Variants in CD28 observed in about 807,000 individuals in gnomAD.
CD28 encodes CD28 molecule.
CD28 carries 8 observed loss-of-function variants against 21.4 expected under a neutral mutation model. The observed-to-expected ratio is 0.37, with a 90% CI of 0.22 to 0.68. CD28 has a LOEUF of 0.68. Among genes scored for constraint, CD28 ranks in the 30% least tolerant of loss-of-function variants. The pLI, the probability that CD28 is intolerant of heterozygous loss-of-function variation, is 0.55. For missense variants in CD28, 239 were observed against 272.2 expected (o/e 0.88, Z 0.86); for synonymous variants, 106 against 104.0 (o/e 1.02, Z -0.12).
chr2:203,726,580 G>T, intron 1 of CD28, 53 bp from the exon 2 acceptor site: 1 of 1,383,230 alleles, frequency 7.2e-7, no homozygotes, highest in East Asian at 2.3e-5. Context: ...CTCTCAGGAA[G>T]AAAAATTATC....
rs537043006 is a variant in CD28 at position 203,736,220 on chromosome 2, G to C, written c.*1308G>C. 3 of 152,704 alleles carry C rather than the reference G, an allele frequency of 2.0e-5. No homozygotes were observed. In the East Asian group the frequency reaches 5.8e-4, roughly 29 times the overall value. The allele number at this position is 152,704 out of a possible 1,614,324, so 9.5% of individuals were successfully genotyped here. On this transcript the variant is annotated 3_prime_UTR_variant, in exon 4 of 4. Transcript: ENST00000324106. The stretch of plus-strand genomic sequence containing the variant: ...CGTCCATAGGAGAAGTGAGAATACT[G>C]TGAAAAAGGGATGTTAGCATTCATT...
At chr2:203,714,001 G>A (rs954783672) in intron 1 of CD28, among the ~76,000 whole-genome samples, 5 of 151,870 alleles carry the variant, frequency 3.3e-5, no homozygotes, top group Non-Finnish European at 5.9e-5. Flanking sequence ...GTTTTCTCAA[G>A]GAGATAGGGA....
chr2:203,730,541 A>G (rs912701604), intron 3 of CD28, among the ~76,000 whole-genome samples: 1 of 152,242 alleles, frequency 6.6e-6, no homozygotes, highest in Non-Finnish European at 1.5e-5. Context: ...AGTATGGTAC[A>G]GAATGTATTG....
At chr2:203,719,287 GCATAGATCATCTCCAAGTTCCCTTC>G (rs1211608405) in intron 1 of CD28, among the ~76,000 whole-genome samples, 4 of 152,016 alleles carry the variant, frequency 2.6e-5, no homozygotes, top group African/African-American at 7.3e-5. Context: ...TAAGGAATTG[GCATAGATCATCTCCAAGTTCCCTTC>G]CAGTTGAGTG....
Position 203,729,783 on chromosome 2 carries a change from C to A in CD28, c.534+11C>A. 6.2e-7 allele frequency: 1 copy of A among 1,611,454 alleles called. No homozygotes were observed. The highest frequency in any genetic ancestry group is 8.5e-7 in the Non-Finnish European group (1 of 1,179,048). ...TTTATTATTTTCTGGGTAAGAGAAG[C>A]AGCACTGCTTTTATGTAACTTTTCC... On this transcript the variant is annotated intron_variant, in intron 3 of 3. Coordinates refer to ENST00000324106, the MANE Select transcript of CD28 (RefSeq NM_006139.4).
rs1392308639 is a variant in CD28, at chr2:203,738,572, G to T, written c.*3660G>T. 2 of 152,108 alleles carry T rather than the reference G, an allele frequency of 1.3e-5. No homozygotes were observed. The highest frequency in any genetic ancestry group is 2.4e-5 in the African/African-American group (1 of 41,400). 9.4% of individuals were successfully genotyped at this position (152,108 alleles called of 1,614,324 possible). ...TTTCTGACATATAGGAATGTATCAG[G>T]AATACTCAACCATCACAGGCATGTT... On this transcript the variant is annotated 3_prime_UTR_variant, in exon 4 of 4. Transcript: ENST00000324106.
intron 3 of CD28, among the ~76,000 whole-genome samples, chr2:203,733,708 G>A (rs748133279): frequency 1.3e-5 from 2 of 152,172 alleles, no homozygotes; most frequent in Non-Finnish European, 2.9e-5. Flanking sequence ...AGATGGCAAA[G>A]AGAAATAGTA....
At chr2:203,717,047 A>G (rs1352768980) in intron 1 of CD28, among the ~76,000 whole-genome samples, 2 of 152,070 alleles carry the variant, frequency 1.3e-5, no homozygotes, top group Non-Finnish European at 2.9e-5. Context: ...GGGTCTCGCC[A>G]TGTTGCCCAG....
At position 203,736,473 on chromosome 2, in the gene CD28, C is replaced by G. The variant is rs759906703; in HGVS notation, c.*1561C>G. On this transcript the variant is annotated 3_prime_UTR_variant, in exon 4 of 4. Transcript: ENST00000324106. ...CAGCTGCTCCTGTACCTTGGAGGTC[C>G]ATTCACATGGGAAAGTATTTTGGAA... 6.6e-6 allele frequency: 1 copy of G among 152,480 alleles called. No homozygotes were observed. The highest frequency in any genetic ancestry group is 1.5e-5 in the Non-Finnish European group (1 of 68,066). 9.4% of individuals were successfully genotyped at this position (152,480 alleles called of 1,614,324 possible). A position where few individuals can be genotyped will look rare whatever the true frequency, so the allele number is the denominator to read the frequency against.
chr2:203,710,433 G>C (rs985762042), intron 1 of CD28, among the ~76,000 whole-genome samples: 2 of 152,198 alleles, frequency 1.3e-5, no homozygotes, highest in African/African-American at 4.8e-5. Context: ...ATTAGAAATA[G>C]AAATGAATCT....
intron 2 of CD28, among the ~76,000 whole-genome samples, chr2:203,728,089 C>T (rs996209816): frequency 1.1e-4 from 16 of 152,174 alleles, no homozygotes; most frequent in African/African-American, 3.9e-4. Context: ...TGATTACAGG[C>T]GTAAGCCACC....
intron 1 of CD28, among the ~76,000 whole-genome samples, chr2:203,719,993 G>GTT (rs542917157): frequency 2.0e-5 from 3 of 150,858 alleles, no homozygotes; most frequent in Non-Finnish European, 4.4e-5. Flanking sequence ...GGCAAGAGTT[G>GTT]TTTTTTTTTG....
intron 1 of CD28, among the ~76,000 whole-genome samples, chr2:203,722,177 G>A (rs1019887151): frequency 4.6e-5 from 7 of 152,098 alleles, no homozygotes; most frequent in East Asian, 1.9e-4. Flanking sequence ...TTCCCAGGGC[G>A]GTGAGCAAGC....
rs1360130832 is a variant in CD28, at chr2:203,719,195, C to G, written c.53-7438C>G. Among the ~76,000 whole-genome samples the G allele has an allele frequency of 2.0e-5, 3 of 152,162 alleles. No homozygotes were observed. In the South Asian group the frequency reaches 6.2e-4, roughly 31 times the overall value. ...TCTAAATAAATAAATTACATCTTAG[C>G]TCTTCCATTATTTGTGTGACCTTGT... On this transcript the variant is annotated intron_variant, in intron 1 of 3. Coordinates refer to ENST00000324106, the MANE Select transcript of CD28 (RefSeq NM_006139.4).
intron 2 of CD28, among the ~76,000 whole-genome samples, chr2:203,727,907 G>C (rs1321431409): frequency 1.3e-5 from 2 of 152,120 alleles, no homozygotes; most frequent in Non-Finnish European, 2.9e-5. Flanking sequence ...TCGATTTCCT[G>C]ACCTCGTGAC....
In CD28 at chr2:203,736,038, C is replaced by CAACAACAACAACAACAAA. The variant is rs549169458; in HGVS notation, c.*1128_*1129insCAACAACAACAACAAAAA. 3 of 152,440 alleles carry CAACAACAACAACAACAAA rather than the reference C, an allele frequency of 2.0e-5. No individual in the cohort carries two copies. The highest frequency in any genetic ancestry group is 4.4e-5 in the Non-Finnish European group (3 of 68,070). 9.4% of individuals were successfully genotyped at this position (152,440 alleles called of 1,614,324 possible). On this transcript the variant is annotated 3_prime_UTR_variant, in exon 4 of 4. Transcript: ENST00000324106. Reference sequence around the variant, plus strand: ...ACAACAACAACAACAACAACAACAACAAACCACAAAATTATTTGAGTACTG... The same window carrying CAACAACAACAACAACAAA: ...ACAACAACAACAACAACAACAACAACAACAACAACAACAACAAAAAACCACAAAATTATTTGAGTACTG...
intron 1 of CD28, among the ~76,000 whole-genome samples, chr2:203,723,631 C>T (rs935955581): frequency 1.3e-5 from 2 of 152,124 alleles, no homozygotes; most frequent in African/African-American, 2.4e-5. Context: ...CTAATAAGCA[C>T]ATGAAAAGAT....
chr2:203,724,094 T>C (rs1693679240), intron 1 of CD28, among the ~76,000 whole-genome samples: 1 of 152,180 alleles, frequency 6.6e-6, no homozygotes, highest in Admixed American at 6.5e-5. Context: ...TGGATGAAAC[T>C]TGAAAACATT....
chr2:203,713,895 G>A (rs1693390556), intron 1 of CD28, among the ~76,000 whole-genome samples: 1 of 151,488 alleles, frequency 6.6e-6, no homozygotes, highest in South Asian at 2.1e-4. Context: ...GAGAGTGTGT[G>A]TGTGTGTGTG....
Sources: allele counts gnomAD v4.1 joint callset (sites outside exome capture counted in the v4.1 genomes callset), GRCh38; gene constraint gnomAD v4.1.1; transcripts MANE v1.5; gene names NCBI Gene and HGNC (gene_info 2026-07-23, HGNC 2026-07-21).